Variants in TENM3 observed in about 807,000 individuals in gnomAD.
TENM3 encodes the protein teneurin transmembrane protein 3.
A neutral mutation model predicts 255.1 loss-of-function variants in TENM3; 63 were observed. The observed-to-expected ratio is 0.25, with a 90% CI of 0.20 to 0.30. The LOEUF is 0.30. TENM3 is among the 10% of genes least tolerant of loss of function. The pLI is 1.00. For missense variants in TENM3, 2,929 were observed against 3,461.1 expected (o/e 0.85, Z 3.86); for synonymous variants, 1,306 against 1,322.3 (o/e 0.99, Z 0.27).
the TENM3 span, among the ~76,000 whole-genome samples, chr4:181,867,476 A>G: frequency 6.6e-6 from 1 of 152,114 alleles, no homozygotes; most frequent in Non-Finnish European, 1.5e-5. Flanking sequence ...ACATTTGATT[A>G]TACCTCTTTT....
At chr4:182,052,057 T>C in the TENM3 span, among the ~76,000 whole-genome samples, 146 of 152,198 alleles carry the variant, frequency 9.6e-4, 1 homozygote, top group Middle Eastern at 0.01. Context: ...GGGGATGCTA[T>C]TAAACATCCT....
At chr4:181,567,630 G>C in the TENM3 span, among the ~76,000 whole-genome samples, 1 of 152,132 alleles carries the variant, frequency 6.6e-6, no homozygotes, top group African/African-American at 2.4e-5. Context: ...TTCTCAAACT[G>C]TATCTCTTTA....
the TENM3 span, among the ~76,000 whole-genome samples, chr4:181,493,784 G>T: frequency 6.6e-6 from 1 of 151,988 alleles, no homozygotes. Flanking sequence ...GAGATAAGTT[G>T]TATTTGATCT....
chr4:182,277,832 C>G (rs1760105893), intron 1 of TENM3, among the ~76,000 whole-genome samples: 1 of 152,164 alleles, frequency 6.6e-6, no homozygotes, highest in African/African-American at 2.4e-5. Flanking sequence ...TTCTAAGCAC[C>G]TGAGGAAATT....
chr4:181,723,523 C>A, the TENM3 span, among the ~76,000 whole-genome samples: 1 of 151,962 alleles, frequency 6.6e-6, no homozygotes, highest in East Asian at 1.9e-4. Context: ...GATCATTTAG[C>A]TGGGTATAGA....
chr4:181,988,314 A>G, the TENM3 span, among the ~76,000 whole-genome samples: 110 of 152,016 alleles, frequency 7.2e-4, no homozygotes, highest in Admixed American at 1.3e-3. Context: ...AAATCCTTCC[A>G]TTTTTAATCA....
At chr4:182,084,200 A>G in the TENM3 span, among the ~76,000 whole-genome samples, 1,543 of 152,234 alleles carry the variant, frequency 0.01, 30 homozygotes, top group African/African-American at 0.035. Flanking sequence ...GCTGGGGGGA[A>G]AAAATAAGCT....
chr4:181,670,852 C>T, the TENM3 span, among the ~76,000 whole-genome samples: 12 of 152,150 alleles, frequency 7.9e-5, no homozygotes, highest in Admixed American at 2.6e-4. Flanking sequence ...TTTATTATAA[C>T]GCACATTTAT....
chr4:182,000,571 T>C, the TENM3 span, among the ~76,000 whole-genome samples: 3 of 152,294 alleles, frequency 2.0e-5, no homozygotes, highest in Non-Finnish European at 4.4e-5. Context: ...TTTGCTTCAA[T>C]TGATTATTTA....
At chr4:182,475,858 A>G (rs1733644328) in intron 3 of TENM3, among the ~76,000 whole-genome samples, 1 of 152,214 alleles carries the variant, frequency 6.6e-6, no homozygotes, top group African/African-American at 2.4e-5. Flanking sequence ...AGTATCCCTC[A>G]AGTGACTATG....
chr4:181,834,114 T>C, the TENM3 span, among the ~76,000 whole-genome samples: 6 of 135,518 alleles, frequency 4.4e-5, no homozygotes, highest in Admixed American at 3.0e-4. Flanking sequence ...ATAAATTTGC[T>C]AAAAAAAAAA....
At chr4:182,604,932 G>A (rs2152419921) in intron 4 of TENM3, among the ~76,000 whole-genome samples, 1 of 152,176 alleles carries the variant, frequency 6.6e-6, no homozygotes, top group East Asian at 1.9e-4. Context: ...ATTAATGTGA[G>A]ATCAATTGTT....
intron 3 of TENM3, among the ~76,000 whole-genome samples, chr4:182,386,788 C>T (rs1466808415): frequency 2.6e-5 from 4 of 152,348 alleles, no homozygotes; most frequent in East Asian, 1.9e-4. Flanking sequence ...TGCCTTCCCG[C>T]GGGGCAGGCC....
At chr4:182,671,377 C>A (rs1755200625) in intron 6 of TENM3, among the ~76,000 whole-genome samples, 1 of 152,182 alleles carries the variant, frequency 6.6e-6, no homozygotes. Flanking sequence ...TAACACCTGT[C>A]AAGTTCCACG....
the TENM3 span, among the ~76,000 whole-genome samples, chr4:181,516,074 A>G: frequency 6.6e-6 from 1 of 152,190 alleles, no homozygotes; most frequent in Non-Finnish European, 1.5e-5. Flanking sequence ...ATGGAGCTGG[A>G]AGCCATTATC....
the TENM3 span, among the ~76,000 whole-genome samples, chr4:181,764,504 T>C: frequency 3.3e-5 from 5 of 152,128 alleles, no homozygotes; most frequent in African/African-American, 1.2e-4. Context: ...TATTTCAGAG[T>C]TGGTACTTTA....
At chr4:182,073,761 A>T in the TENM3 span, among the ~76,000 whole-genome samples, 1 of 152,150 alleles carries the variant, frequency 6.6e-6, no homozygotes, top group Non-Finnish European at 1.5e-5. Context: ...GCCCCATCTC[A>T]GTCCTTACCC....
chr4:181,462,953 A>G, the TENM3 span, among the ~76,000 whole-genome samples: 2 of 152,222 alleles, frequency 1.3e-5, no homozygotes, highest in African/African-American at 2.4e-5. Flanking sequence ...GGTTGAATAT[A>G]TCAAATGTAT....
rs114809230 is a variant in TENM3 at position 182,394,347 on chromosome 4, C to T, written c.511+47418C>T. On this transcript the variant is annotated intron_variant, in intron 3 of 27. Coordinates refer to ENST00000511685, the MANE Select transcript of TENM3 (RefSeq NM_001080477.4). ...ACCTATGAAAGCAAAACTGATCTTA[C>T]GCAATTGAAATACATGCGCATACAG... Among the ~76,000 whole-genome samples the T allele has an allele frequency of 3.6e-3, 547 of 152,174 alleles. 4 individuals carry two copies. Among genetic ancestry groups the T allele is most frequent in the African/African-American group, 0.013 (532 of 41,526 alleles).
Sources: gnomAD v4.1 joint callset for allele counts (sites outside exome capture counted in the v4.1 genomes callset) on GRCh38, gnomAD v4.1.1 for gene constraint, MANE v1.5 for transcripts, NCBI Gene and HGNC (gene_info 2026-07-23, HGNC 2026-07-21) for gene names.